The following PLCZ1 variants were observed in gnomAD, a reference collection of about 807,000 sequenced individuals.
PLCZ1 encodes phospholipase C zeta 1.
In PLCZ1, 64 loss-of-function variants were observed where a neutral mutation model predicts 76.8. That is an observed-to-expected ratio of 0.83 (90% CI 0.68 to 1.03). PLCZ1 has a LOEUF of 1.03. Ranked by LOEUF, PLCZ1 falls within the 50% of genes least tolerant of loss-of-function variation. PLCZ1 has a pLI of 0.00. For missense variants in PLCZ1, 751 were observed against 713.7 expected (o/e 1.05, Z -0.60); for synonymous variants, 248 against 230.8 (o/e 1.07, Z -0.68).
chr12:18,659,562 A>G, the PLCZ1 span, among the ~76,000 whole-genome samples: 2 of 152,140 alleles, frequency 1.3e-5, no homozygotes, highest in African/African-American at 4.8e-5. Context: ...AATTGTCTCA[A>G]TAATGTATTT....
chr12:18,705,155 A>T lies in PLCZ1; in HGVS notation c.864+11T>A. On this transcript the variant is annotated intron_variant, in intron 7 of 14. Coordinates refer to ENST00000266505, the MANE Select transcript of PLCZ1 (RefSeq NM_033123.4). ...TTTTCTTAACCTGAGTTTCTCAGAA[A>T]AAAATGTTACCTCTGGTGATGGTAG... The T allele has an allele frequency of 6.2e-7, 1 of 1,613,946 alleles. No homozygotes were observed. The highest frequency in any genetic ancestry group is 1.7e-5 in the Admixed American group (1 of 60,004).
intron 7 of PLCZ1, among the ~76,000 whole-genome samples, chr12:18,703,060 A>G (rs1956154382): frequency 6.6e-6 from 1 of 152,168 alleles, no homozygotes; most frequent in Non-Finnish European, 1.5e-5. Context: ...AATGCTAGAA[A>G]AATAGATTCA....
chr12:18,719,003 A>C (rs1330376723), intron 5 of PLCZ1, among the ~76,000 whole-genome samples: 1 of 152,198 alleles, frequency 6.6e-6, no homozygotes, highest in East Asian at 1.9e-4. Flanking sequence ...GAAGTTGTAC[A>C]ATGTACTGTA....
chr12:18,713,740 A>G (rs1222082525), intron 5 of PLCZ1: 1 of 152,206 alleles, frequency 6.6e-6, no homozygotes, highest in East Asian at 1.9e-4. Flanking sequence ...TGCTTACCTC[A>G]GAATACAAGT....
At chr12:18,656,560 G>T in the PLCZ1 span, among the ~76,000 whole-genome samples, 1 of 152,054 alleles carries the variant, frequency 6.6e-6, no homozygotes, top group South Asian at 2.1e-4. Context: ...GCGAGACTCT[G>T]TCCTGAAAAA....
At chr12:18,683,160 AAAAAG>A, downstream of PLCZ1, 1 of 1,249,720 alleles carries the variant, frequency 8.0e-7, no homozygotes, top group East Asian at 2.4e-5. Flanking sequence ...TTTATGTTTA[AAAAAG>A]AAAACATAAA....
intron 3 of PLCZ1, among the ~76,000 whole-genome samples, chr12:18,727,594 G>T (rs1449103832): frequency 2.0e-5 from 3 of 152,190 alleles, no homozygotes; most frequent in African/African-American, 7.2e-5. Flanking sequence ...TAATTAGAGA[G>T]AATGTTAGTG....
the PLCZ1 span, among the ~76,000 whole-genome samples, chr12:18,649,522 CCCCACTTCCCTGCCAATTGCTGA>C: frequency 3.9e-5 from 6 of 152,070 alleles, no homozygotes; most frequent in Non-Finnish European, 8.8e-5. Flanking sequence ...TTTCTCGTTA[CCCCACTTCCCTGCCAATTGCTGA>C]CCCACTACCC....
At chr12:18,701,625 TCC>T in intron 8 of PLCZ1, 57 bp from the exon 9 acceptor site, 2 of 1,556,296 alleles carry the variant, frequency 1.3e-6, no homozygotes, top group Admixed American at 1.8e-5. Flanking sequence ...CTCCTCCTCC[TCC>T]TCCTCCTCCT....
intron 9 of PLCZ1, among the ~76,000 whole-genome samples, chr12:18,700,538 A>AGG (rs67201997): frequency 7.4e-6 from 1 of 135,918 alleles, no homozygotes; most frequent in Non-Finnish European, 1.5e-5. Context: ...AAAAAAAAAT[A>AGG]GTTGCTCTGC....
the PLCZ1 span, among the ~76,000 whole-genome samples, chr12:18,661,840 T>G: frequency 6.6e-6 from 1 of 152,038 alleles, no homozygotes; most frequent in South Asian, 2.1e-4. Flanking sequence ...ATATTCACAA[T>G]AGCAAAGACA....
chr12:18,662,326 A>G, the PLCZ1 span, among the ~76,000 whole-genome samples: 1 of 152,104 alleles, frequency 6.6e-6, no homozygotes, highest in Non-Finnish European at 1.5e-5. Context: ...TTTTAAGTAC[A>G]ATTTTTAAAA....
chr12:18,719,331 G>T, intron 5 of PLCZ1, 100 bp downstream of exon 5: 1 of 597,766 alleles, frequency 1.7e-6, no homozygotes. Flanking sequence ...ATAACATGGA[G>T]AGTCTTCTTT....
the PLCZ1 span, among the ~76,000 whole-genome samples, chr12:18,677,800 G>C: frequency 6.6e-6 from 1 of 152,018 alleles, no homozygotes; most frequent in African/African-American, 2.4e-5. Context: ...CATGTAGATA[G>C]ATCTAAAAAA....
chr12:18,696,167 T>C lies in PLCZ1; in HGVS notation c.1274A>G (p.Asn425Ser), dbSNP rs1310560334. The C allele has an allele frequency of 6.4e-7, 1 of 1,555,238 alleles. No homozygotes were observed. Among genetic ancestry groups the C allele is most frequent in the East Asian group, 2.3e-5 (1 of 44,244 alleles). The stretch of plus-strand genomic sequence containing the variant: ...TAACATACCCATTTGACAACCTATA[T>C]TCCAAAATTCTTGGGGATTAAAATT... ...SSNFNPQEFWNIGCQMVALNF... is the reference protein window; with the variant it reads ...SSNFNPQEFWSIGCQMVALNF... The change falls in exon 11 of 15, where the codon AAT becomes AGT. Residue 425 changes from asparagine to serine, a missense_variant. Physicochemically the swap from Asn to Ser is conservative, Grantham distance 46. Coordinates refer to ENST00000266505, the MANE Select transcript of PLCZ1 (RefSeq NM_033123.4).
At chr12:18,692,834 G>A (rs1565663294) in intron 12 of PLCZ1, 2 of 1,580,322 alleles carry the variant, frequency 1.3e-6, no homozygotes, top group East Asian at 4.5e-5. Flanking sequence ...AACAACTCAA[G>A]GACAAGAAAA....
intron 7 of PLCZ1, 87 bp from the exon 8 acceptor site, chr12:18,701,863 C>T (rs1482804780): frequency 2.0e-6 from 3 of 1,516,462 alleles, no homozygotes; most frequent in Non-Finnish European, 2.6e-6. Flanking sequence ...CACTATATTT[C>T]CAATTAGCCT....
At chr12:18,663,782 G>A in the PLCZ1 span, among the ~76,000 whole-genome samples, 1 of 152,024 alleles carries the variant, frequency 6.6e-6, no homozygotes, top group Admixed American at 6.6e-5. Flanking sequence ...TTGTGCATCT[G>A]AAAACACTAT....
intron 3 of PLCZ1, chr12:18,730,854 A>G (rs1394195600): frequency 2.0e-5 from 3 of 152,154 alleles, no homozygotes; most frequent in African/African-American, 7.2e-5. Context: ...TTTAATGTAA[A>G]TTTTAATAAA....
Sources: gnomAD v4.1 joint callset for allele counts (sites outside exome capture counted in the v4.1 genomes callset) on GRCh38, gnomAD v4.1.1 for gene constraint, MANE v1.5 for transcripts, NCBI Gene and HGNC (gene_info 2026-07-23, HGNC 2026-07-21) for gene names.